Variants in ASPH observed in about 807,000 individuals in gnomAD.
ASPH encodes aspartate beta-hydroxylase.
ASPH carries 100 observed loss-of-function variants against 118.4 expected under a neutral mutation model. The ratio of observed to expected loss-of-function variants is 0.84; its 90% CI spans 0.72 to 1.00. ASPH has a LOEUF of 1.00. Ranked by LOEUF, ASPH falls within the 50% of genes least tolerant of loss-of-function variation. The pLI, the probability that ASPH is intolerant of heterozygous loss-of-function variation, is 0.00. For missense variants in ASPH, 920 were observed against 919.5 expected (o/e 1.00, Z -0.01); for synonymous variants, 315 against 325.6 (o/e 0.97, Z 0.35).
chr8:61,584,828 C>A (rs1838841575), intron 14 of ASPH, among the ~76,000 whole-genome samples: 1 of 151,972 alleles, frequency 6.6e-6, no homozygotes, highest in African/African-American at 2.4e-5. Flanking sequence ...TCTTATGCTA[C>A]CTCATTTAAA....
chr8:61,538,259 T>C (rs1173437934), intron 21 of ASPH, among the ~76,000 whole-genome samples: 1 of 152,208 alleles, frequency 6.6e-6, no homozygotes, highest in African/African-American at 2.4e-5. Flanking sequence ...CGTTAAATCA[T>C]GTAATTATCA....
intron 12 of ASPH, among the ~76,000 whole-genome samples, chr8:61,636,948 C>T (rs1452043622): frequency 2.0e-5 from 3 of 152,146 alleles, no homozygotes; most frequent in African/African-American, 7.2e-5. Context: ...GTACAGGGGT[C>T]TCTCGCAGCA....
At chr8:61,624,752 T>A in intron 13 of ASPH, 1 of 985,832 alleles carries the variant, frequency 1.0e-6, no homozygotes, top group Non-Finnish European at 1.2e-6. Context: ...TTACTTTTAC[T>A]CATTCATCAG....
chr8:61,523,304 T>TTTTC (rs142232867), intron 22 of ASPH, among the ~76,000 whole-genome samples: 69,900 of 139,294 alleles, frequency 0.5, 21,386 homozygotes, highest in Non-Finnish European at 0.67. Context: ...ACACTTATTA[T>TTTTC]TTTCTTTCTT....
At chr8:61,624,422 A>G in intron 13 of ASPH, 2 of 985,106 alleles carry the variant, frequency 2.0e-6, no homozygotes, top group Non-Finnish European at 2.4e-6. Flanking sequence ...TTCCTTTGTG[A>G]TTTTAGTTAT....
chr8:61,520,784 A>G (rs979523962), intron 22 of ASPH, among the ~76,000 whole-genome samples: 2 of 152,236 alleles, frequency 1.3e-5, no homozygotes, highest in Non-Finnish European at 2.9e-5. Context: ...GGGAACAACC[A>G]TAGGTGGCCT....
chr8:61,518,251 T>C (rs1044605368), intron 22 of ASPH, 128 bp from the exon 23 acceptor site: 2 of 742,262 alleles, frequency 2.7e-6, no homozygotes, highest in Admixed American at 3.1e-5. Flanking sequence ...CATGAGAAGA[T>C]GAAGTAGGAA....
rs529789079 is a variant in ASPH at position 61,501,219 on chromosome 8, AGAATT to A, written c.*2135_*2139del. On this transcript the variant is annotated 3_prime_UTR_variant, in exon 25 of 25. Coordinates refer to ENST00000379454, the MANE Select transcript of ASPH (RefSeq NM_004318.4). The stretch of plus-strand genomic sequence containing the variant: ...AGACATAGATAGGTAAGAGAAATAA[AGAATT>A]GAAGTGAATTAGAAAATCCATTTTA... The A allele has an allele frequency of 1.2e-4, 18 of 152,314 alleles. No homozygotes were observed. The East Asian group carries it at 2.9e-3, about 24-fold the overall frequency. 9.4% of individuals were successfully genotyped at this position (152,314 alleles called of 1,614,324 possible). A position where few individuals can be genotyped will look rare whatever the true frequency, so the allele number is the denominator to read the frequency against.
intron 16 of ASPH, among the ~76,000 whole-genome samples, chr8:61,569,620 T>C (rs1317907236): frequency 6.6e-6 from 1 of 151,986 alleles, no homozygotes; most frequent in African/African-American, 2.4e-5. Flanking sequence ...AACTTGATAA[T>C]ATGAACTGAT....
At chr8:61,675,261 T>C in intron 3 of ASPH, 6 of 881,464 alleles carry the variant, frequency 6.8e-6, no homozygotes, top group Non-Finnish European at 8.2e-6. Flanking sequence ...AAGACTTATT[T>C]AGGATGAATA....
chr8:61,505,733 C>T (rs1471197507), intron 24 of ASPH, among the ~76,000 whole-genome samples: 1 of 152,068 alleles, frequency 6.6e-6, no homozygotes. Context: ...CATTGGAGTT[C>T]CATCAAGGGT....
rs1357717940 is a variant in ASPH at position 61,675,771 on chromosome 8, T to G, written c.322+5197A>C. The G allele has an allele frequency of 2.6e-6, 3 of 1,136,620 alleles. No homozygotes were observed. In the African/African-American group the frequency reaches 4.8e-5, roughly 18 times the overall value. The allele number at this position is 1,136,620 out of a possible 1,614,324, so 70.4% of individuals were successfully genotyped here. On this transcript the variant is annotated intron_variant, in intron 3 of 24. Coordinates refer to ENST00000379454, the MANE Select transcript of ASPH (RefSeq NM_004318.4). ...TGTTAAGTGTCCAAATTTAGTTCAG[T>G]GAATACATGAGTTGAAACAAAACGA...
At chr8:61,564,836 T>C (rs1043490372) in intron 17 of ASPH, among the ~76,000 whole-genome samples, 2 of 152,198 alleles carry the variant, frequency 1.3e-5, no homozygotes, top group Admixed American at 6.5e-5. Flanking sequence ...GGAAAACTGA[T>C]AGGAGGGTCC....
chr8:61,576,356 T>C (rs887082713), intron 16 of ASPH, among the ~76,000 whole-genome samples: 5 of 152,162 alleles, frequency 3.3e-5, no homozygotes, highest in African/African-American at 9.7e-5. Context: ...TGGAAAAAAC[T>C]ATAGAGACAT....
chr8:61,696,683 A>G (rs7002462), intron 1 of ASPH, among the ~76,000 whole-genome samples: 128,004 of 151,832 alleles, frequency 0.84, 54,174 homozygotes, highest in African/African-American at 0.9. Context: ...CATTCCTCTG[A>G]GCTATTCAAT....
rs547964222 is a variant in ASPH at position 61,539,888 on chromosome 8, C to T, written c.1764+8183G>A. 6.9e-4 allele frequency among the ~76,000 whole-genome samples: 105 copies of T among 152,090 alleles called. 1 individual carries two copies. Among genetic ancestry groups the T allele is most frequent in the Non-Finnish European group, 1.4e-3 (92 of 68,018 alleles). The stretch of plus-strand genomic sequence containing the variant: ...AATTAGTGTGGATCAAATAGTTAAT[C>T]CCGAAAAGGGAAGAGCAAAACTCTT... On this transcript the variant is annotated intron_variant, in intron 21 of 24. Coordinates refer to ENST00000379454, the MANE Select transcript of ASPH (RefSeq NM_004318.4).
intron 3 of ASPH, among the ~76,000 whole-genome samples, chr8:61,667,047 TAGG>T (rs10567576): frequency 0.18 from 27,826 of 151,994 alleles, 2,666 homozygotes; most frequent in South Asian, 0.35. Context: ...TCAGAAGAGA[TAGG>T]AGGTTAAACC....
At chr8:61,596,136 C>T (rs370423122) in intron 14 of ASPH, among the ~76,000 whole-genome samples, 21 of 152,224 alleles carry the variant, frequency 1.4e-4, no homozygotes, top group African/African-American at 4.8e-4. Context: ...GAGATTGGTT[C>T]ACCTGGCCCG....
At chr8:61,547,111 T>G (rs1305669469) in intron 21 of ASPH, among the ~76,000 whole-genome samples, 1 of 152,172 alleles carries the variant, frequency 6.6e-6, no homozygotes, top group Non-Finnish European at 1.5e-5. Flanking sequence ...GAACTATGAG[T>G]TAATTAACTG....
Sources: allele counts gnomAD v4.1 joint callset (sites outside exome capture counted in the v4.1 genomes callset), GRCh38; gene constraint gnomAD v4.1.1; transcripts MANE v1.5; gene names NCBI Gene and HGNC (gene_info 2026-07-23, HGNC 2026-07-21).